CHRM2: variants seen among roughly 807,000 people sequenced by gnomAD.
The protein encoded by CHRM2 is cholinergic receptor muscarinic 2, also known as muscarinic acetylcholine receptor M2.
Under a neutral mutation model 25.0 loss-of-function variants are expected in CHRM2, and 8 were observed. That is an observed-to-expected ratio of 0.32 (90% confidence interval 0.19 to 0.58). CHRM2 has a LOEUF of 0.58. CHRM2 is among the 20% of genes least tolerant of loss of function. The pLI is 0.88. For synonymous variants in CHRM2, 202 were observed against 205.7 expected, an observed-to-expected ratio of 0.98 and a Z score of 0.15; for missense variants, 440 against 567.1, an observed-to-expected ratio of 0.78 and a Z score of 2.28.
At chr7:136,902,472 C>T (rs974897918) in intron 2 of CHRM2, 1 of 151,944 alleles carries the variant, frequency 6.6e-6, no homozygotes, top group Non-Finnish European at 1.5e-5. Flanking sequence ...ACAAATATAG[C>T]CCCAATTAAA....
chr7:136,925,734 C>T (rs1798709732), intron 2 of CHRM2, among the ~76,000 whole-genome samples: 1 of 152,196 alleles, frequency 6.6e-6, no homozygotes. Context: ...TCTTGACTCA[C>T]TTTCAAGTCT....
chr7:136,956,308 T>C (rs1800720711), intron 2 of CHRM2, among the ~76,000 whole-genome samples: 1 of 152,142 alleles, frequency 6.6e-6, no homozygotes, highest in Admixed American at 6.6e-5. Flanking sequence ...CCTCCTTGGT[T>C]TTTATACATT....
intron 2 of CHRM2, among the ~76,000 whole-genome samples, chr7:136,955,956 A>T (rs1275851565): frequency 6.6e-6 from 1 of 152,110 alleles, no homozygotes; most frequent in Non-Finnish European, 1.5e-5. Flanking sequence ...AATATATTTT[A>T]TTCTACTTGA....
chr7:136,959,177 C>T (rs1800911314), intron 2 of CHRM2, among the ~76,000 whole-genome samples: 1 of 152,198 alleles, frequency 6.6e-6, no homozygotes, highest in South Asian at 2.1e-4. Context: ...TCTCTAGATA[C>T]ATCCTTCAAT....
intron 2 of CHRM2, among the ~76,000 whole-genome samples, chr7:136,919,401 AAAT>A (rs992037603): frequency 4.6e-5 from 7 of 152,166 alleles, no homozygotes; most frequent in African/African-American, 1.7e-4. Flanking sequence ...TAATTAAAAT[AAAT>A]ATTAGAATAT....
chr7:136,925,426 A>C (rs951074004), intron 2 of CHRM2, among the ~76,000 whole-genome samples: 9 of 152,342 alleles, frequency 5.9e-5, no homozygotes, highest in African/African-American at 2.2e-4. Context: ...TATACTTAAT[A>C]CTACAGAACA....
chr7:136,995,438 A>C lies in CHRM2; in HGVS notation c.-47+3174A>C, dbSNP rs143757640. Among the ~76,000 whole-genome samples, 99 of 152,306 alleles carry C rather than the reference A, an allele frequency of 6.5e-4. 2 individuals carry two copies. The East Asian group carries it at 0.015, about 23-fold the overall frequency. On this transcript the variant is annotated intron_variant, in intron 3 of 3. Coordinates refer to ENST00000680005, the MANE Select transcript of CHRM2 (RefSeq NM_001006630.2). ...TTGATATGAATACTCAACATTATAAAAATGTTAATTATTTATAACAGACCA... is the reference window on the plus strand; with the variant it reads ...TTGATATGAATACTCAACATTATAACAATGTTAATTATTTATAACAGACCA...
At chr7:136,875,631 A>G (rs1157188105) in intron 2 of CHRM2, among the ~76,000 whole-genome samples, 1 of 152,144 alleles carries the variant, frequency 6.6e-6, no homozygotes, top group Non-Finnish European at 1.5e-5. Flanking sequence ...TGACCTTTCT[A>G]AAATGCAAAT....
chr7:136,932,770 C>T (rs7791871), intron 2 of CHRM2, among the ~76,000 whole-genome samples: 23,561 of 152,014 alleles, frequency 0.15, 2,589 homozygotes, highest in African/African-American at 0.31. Flanking sequence ...TGACTCATAC[C>T]GATAATCGCA....
chr7:136,907,851 G>A lies in CHRM2; in HGVS notation c.-125+38433G>A, dbSNP rs79458941. 2.1e-3 allele frequency: 324 copies of A among 151,980 alleles called. 1 individual carries two copies. The highest frequency in any genetic ancestry group is 3.5e-3 in the Non-Finnish European group (241 of 67,920). 9.4% of individuals were successfully genotyped at this position (151,980 alleles called of 1,614,324 possible). ...AGAAAGGGAGAGTAGAACTCACCAC[G>A]CTCTCTGATCCAGAGCAGGGGATAT... On this transcript the variant is annotated intron_variant, in intron 2 of 3. Coordinates refer to ENST00000680005, the MANE Select transcript of CHRM2 (RefSeq NM_001006630.2).
intron 3 of CHRM2, among the ~76,000 whole-genome samples, chr7:136,999,488 C>A (rs324635): frequency 0.46 from 69,453 of 151,622 alleles, 16,683 homozygotes; most frequent in Middle Eastern, 0.53. Flanking sequence ...TGTTGGTGTG[C>A]TGCACCCATT....
chr7:136,977,151 T>C (rs1256682927), intron 2 of CHRM2, among the ~76,000 whole-genome samples: 1 of 152,220 alleles, frequency 6.6e-6, no homozygotes, highest in Non-Finnish European at 1.5e-5. Flanking sequence ...AGCAGATTAG[T>C]AAGCAACTTG....
At chr7:137,006,706 C>T (rs7357341) in intron 3 of CHRM2, among the ~76,000 whole-genome samples, 39,531 of 151,780 alleles carry the variant, frequency 0.26, 6,042 homozygotes, top group Middle Eastern at 0.35. Context: ...GCACACAAAC[C>T]TTAAGGGTAC....
rs1224885019 is a variant in CHRM2, at chr7:137,015,179, T to A, written c.314T>A (p.Val105Glu). The A allele has an allele frequency of 6.2e-7, 1 of 1,613,450 alleles. No homozygotes were observed. Among genetic ancestry groups the A allele is most frequent in the Non-Finnish European group, 8.5e-7 (1 of 1,179,682 alleles). ...VCDLWLALDYVVSNASVMNLL... is the reference protein window; with the variant it reads ...VCDLWLALDYEVSNASVMNLL... ...GACCTTTGGCTAGCCCTGGACTATG[T>A]GGTCAGCAATGCCTCAGTTATGAAT... The change falls in exon 4 of 4, where the codon GTG (valine) becomes GAG (glutamate). Residue 105 changes from valine to glutamate, a missense_variant. Around this residue, in one of 5 missense-constraint regions of CHRM2, gnomAD observed 86 missense variants for 124.9 expected, o/e 0.69. Coordinates refer to ENST00000680005, the MANE Select transcript of CHRM2 (RefSeq NM_001006630.2). This position sits in a 1 kb window ranked among gnomAD's most constrained non-coding sequence, Gnocchi z 5.1.
chr7:136,872,904 C>A (rs543282522), intron 2 of CHRM2, among the ~76,000 whole-genome samples: 1 of 152,274 alleles, frequency 6.6e-6, no homozygotes, highest in South Asian at 2.1e-4. Context: ...TGCATGTGAG[C>A]GAACCCTTTC....
intron 2 of CHRM2, among the ~76,000 whole-genome samples, chr7:136,978,340 T>C (rs747575522): frequency 6.6e-6 from 1 of 152,238 alleles, no homozygotes; most frequent in Non-Finnish European, 1.5e-5. Context: ...TGTTCTATAG[T>C]GTATTTTTTC....
intron 2 of CHRM2, chr7:136,938,533 C>T (rs899798547): frequency 3.3e-5 from 31 of 945,116 alleles, no homozygotes; most frequent in Non-Finnish European, 4.9e-5. Flanking sequence ...GTTGATTGAC[C>T]GTGACTGCAG....
intron 3 of CHRM2, among the ~76,000 whole-genome samples, chr7:137,003,483 CA>C (rs1804196992): frequency 4.8e-3 from 1 of 210 alleles, no homozygotes; most frequent in Non-Finnish European, 0.012. Flanking sequence ...TACACACACA[CA>C]CACACACACA....
At chr7:136,880,114 G>A (rs139504730) in intron 2 of CHRM2, among the ~76,000 whole-genome samples, 24 of 150,776 alleles carry the variant, frequency 1.6e-4, no homozygotes, top group African/African-American at 5.6e-4. Flanking sequence ...TTATCTTAGT[G>A]CGTAAGGTTT....
Sources: allele counts gnomAD v4.1 joint callset (sites outside exome capture counted in the v4.1 genomes callset), GRCh38; gene constraint gnomAD v4.1.1; regional missense constraint gnomAD v4.1.1; non-coding constraint Gnocchi (gnomAD v3.1); transcripts MANE v1.5; gene names NCBI Gene and HGNC (gene_info 2026-07-23, HGNC 2026-07-21).